NDUFA10: variants seen among roughly 807,000 people sequenced by gnomAD.
The protein encoded by NDUFA10 is NADH:ubiquinone oxidoreductase subunit A10, also known as NADH dehydrogenase [ubiquinone] 1 alpha subcomplex subunit 10, mitochondrial.
Under a neutral mutation model 47.8 loss-of-function variants are expected in NDUFA10, and 40 were observed. The ratio of observed to expected loss-of-function variants is 0.84; its 90% CI spans 0.65 to 1.09. The LOEUF (loss-of-function observed/expected upper bound fraction) is 1.09, where lower values mean the gene tolerates loss of function less well. Ranked by LOEUF, NDUFA10 falls within the 50% of genes least tolerant of loss-of-function variation. The pLI is 0.00. For missense variants in NDUFA10, 413 were observed against 451.1 expected (o/e 0.92, Z 0.76); for synonymous variants, 183 against 172.2 (o/e 1.06, Z -0.49).
At chr2:239,940,091 G>T (rs557796995) in intron 4 of NDUFA10, among the ~76,000 whole-genome samples, 2 of 152,362 alleles carry the variant, frequency 1.3e-5, no homozygotes, top group African/African-American at 4.8e-5. Context: ...CCACAACAGG[G>T]GTTGGCAAAC....
chr2:239,920,853 G>A (rs1328310631), intron 4 of NDUFA10, among the ~76,000 whole-genome samples: 2 of 152,192 alleles, frequency 1.3e-5, no homozygotes, highest in Non-Finnish European at 2.9e-5. Flanking sequence ...GAGGGGTGGG[G>A]TCGTCTGAGG....
chr2:239,928,929 C>A lies in NDUFA10; in HGVS notation c.295-33615G>T, dbSNP rs532532929. On this transcript the variant is annotated intron_variant, in intron 4 of 5. Transcript: ENST00000419408. The surrounding 1 kb of genome is among the most constrained non-coding windows in gnomAD (Gnocchi z 4.3). ...TTGTCTCCCATCGCCCCGCGGCCAC[C>A]CGGATCCCACTCCCGAGGTCAGGAG... is the stretch of plus-strand genomic sequence containing the variant. 9.3e-4 allele frequency among the ~76,000 whole-genome samples: 142 copies of A among 152,312 alleles called. No homozygotes were observed. Among genetic ancestry groups the A allele is most frequent in the African/African-American group, 3.1e-3 (129 of 41,570 alleles).
intron 9 of NDUFA10, among the ~76,000 whole-genome samples, chr2:239,961,661 G>GTT (rs892813395): frequency 2.8e-4 from 42 of 152,354 alleles, no homozygotes; most frequent in Middle Eastern, 3.4e-3. Flanking sequence ...GCCGCTGGCT[G>GTT]TAAGGGGCCC....
chr2:240,012,346 T>C (rs1697176190), intron 5 of NDUFA10: 1 of 161,480 alleles, frequency 6.2e-6, no homozygotes, highest in Admixed American at 5.8e-5. Flanking sequence ...ATTTGATGTA[T>C]TTATTTATCT....
At chr2:240,025,083 G>C (rs1379829563) in intron 1 of NDUFA10, 144 bp downstream of exon 1, 7 of 768,018 alleles carry the variant, frequency 9.1e-6, no homozygotes, top group South Asian at 4.3e-5. Flanking sequence ...AAACAATTCC[G>C]GAGGCAGGAG....
At chr2:239,949,197 A>T (rs988866932) in intron 4 of NDUFA10, among the ~76,000 whole-genome samples, 9 of 152,220 alleles carry the variant, frequency 5.9e-5, no homozygotes, top group African/African-American at 2.2e-4. Context: ...ACTGATACGG[A>T]TAGGAGCTTG....
intron 8 of NDUFA10, among the ~76,000 whole-genome samples, chr2:240,002,773 A>T (rs1474039807): frequency 6.6e-6 from 1 of 152,180 alleles, no homozygotes; most frequent in Non-Finnish European, 1.5e-5. Flanking sequence ...GGCAGGAATT[A>T]ACAAACTAAG....
In NDUFA10 at chr2:239,899,913, G is replaced by A. The variant is rs113267144; in HGVS notation, c.295-4599C>T. On this transcript the variant is annotated intron_variant, in intron 4 of 5. Coordinates refer to the NDUFA10 transcript ENST00000419408. ...CCAATCATCCACAGTCAGTAGGCCA[G>A]GAAGCCCACCCATCTTAAAAAGTCA... Among the ~76,000 whole-genome samples, 301 of 150,004 alleles carry A rather than the reference G, an allele frequency of 2.0e-3. 1 individual carries two copies. Among genetic ancestry groups the A allele is most frequent in the African/African-American group, 7.2e-3 (295 of 41,132 alleles).
intron 4 of NDUFA10, among the ~76,000 whole-genome samples, chr2:239,938,487 G>A (rs570743354): frequency 2.6e-5 from 4 of 152,354 alleles, no homozygotes; most frequent in Admixed American, 6.5e-5. Flanking sequence ...ATGATCAATG[G>A]AGAAGCTCTT....
chr2:239,940,791 G>A (rs1694348359), intron 4 of NDUFA10, among the ~76,000 whole-genome samples: 1 of 152,188 alleles, frequency 6.6e-6, no homozygotes. Flanking sequence ...CTGGGGATGG[G>A]AGGTATTCAC....
intron 4 of NDUFA10, among the ~76,000 whole-genome samples, chr2:239,929,802 C>CCCTGCTCCTCCACTGA (rs1559289766): frequency 1.3e-4 from 19 of 140,742 alleles, no homozygotes; most frequent in Non-Finnish European, 3.1e-5. Flanking sequence ...TCCTCCACTG[C>CCCTGCTCCTCCACTGA]CCCTGCTCCT....
intron 4 of NDUFA10, among the ~76,000 whole-genome samples, chr2:239,929,198 C>A (rs1158712567): frequency 3.9e-5 from 6 of 152,198 alleles, no homozygotes; most frequent in Non-Finnish European, 8.8e-5. Context: ...CAGTGATGTG[C>A]GTGCTTGGCA....
At chr2:240,005,417 C>T (rs1015092575) in intron 7 of NDUFA10, 122 bp from the exon 8 acceptor site, 4 of 750,344 alleles carry the variant, frequency 5.3e-6, no homozygotes, top group East Asian at 2.8e-5. Flanking sequence ...GGCACAATCA[C>T]AGCACACTGC....
At chr2:239,930,698 G>T (rs963140720) in intron 4 of NDUFA10, among the ~76,000 whole-genome samples, 2 of 152,166 alleles carry the variant, frequency 1.3e-5, no homozygotes, top group African/African-American at 4.8e-5. Flanking sequence ...ACCGGGAGCC[G>T]GACCAGAGGG....
In NDUFA10 at chr2:240,025,273, G is replaced by A. The variant is rs1258770997; in HGVS notation, c.29C>T (p.Ala10Val). Residue 10 changes from alanine to valine, a missense_variant, in exon 1 of 10, where the codon GCG (alanine) becomes GTG (valine). Transcript: ENST00000252711. Reference sequence around the variant, plus strand: ...CACGACCCGGGCGGACGCGGACGTCGCTGCCAGCTTCAGGAGCCGCAAGGC... The same window carrying A: ...CACGACCCGGGCGGACGCGGACGTCACTGCCAGCTTCAGGAGCCGCAAGGC... MALRLLKLA[A>V]TSASARVVAA... is the part of the protein sequence containing the mutation. 1.3e-6 allele frequency: 2 copies of A among 1,503,440 alleles called. No individual in the cohort carries two copies. Among genetic ancestry groups the A allele is most frequent in the Non-Finnish European group, 1.8e-6 (2 of 1,130,274 alleles). The allele number at this position is 1,503,440 out of a possible 1,614,324, so 93.1% of individuals were successfully genotyped here. A position where few individuals can be genotyped will look rare whatever the true frequency, so the allele number is the denominator to read the frequency against.
intron 9 of NDUFA10, among the ~76,000 whole-genome samples, chr2:239,965,023 G>A (rs1443801761): frequency 6.6e-6 from 1 of 152,166 alleles, no homozygotes; most frequent in Non-Finnish European, 1.5e-5. Context: ...CCAAACACAG[G>A]ACCAGCCACG....
intron 9 of NDUFA10, chr2:239,983,834 C>T: frequency 2.1e-6 from 3 of 1,450,188 alleles, no homozygotes; most frequent in East Asian, 2.5e-5. Context: ...CCTAAGGAGA[C>T]ATGAGGACCC....
chr2:239,982,560 A>G (rs78230824), intron 9 of NDUFA10, among the ~76,000 whole-genome samples: 2,317 of 152,260 alleles, frequency 0.015, 52 homozygotes, highest in African/African-American at 0.053. Context: ...CATGTTCTCC[A>G]TCTGTTCTGA....
chr2:239,988,394 C>T (rs1294709602), intron 9 of NDUFA10, among the ~76,000 whole-genome samples: 1 of 152,154 alleles, frequency 6.6e-6, no homozygotes, highest in East Asian at 1.9e-4. Context: ...GAGACAAAAT[C>T]TCACAAAACG....
Sources: allele counts gnomAD v4.1 joint callset (sites outside exome capture counted in the v4.1 genomes callset), GRCh38; gene constraint gnomAD v4.1.1; non-coding constraint Gnocchi (gnomAD v3.1); transcripts MANE v1.5; gene names NCBI Gene and HGNC (gene_info 2026-07-23, HGNC 2026-07-21).